Variants in HEATR5A observed in about 807,000 individuals in gnomAD.
HEATR5A encodes the protein HEAT repeat containing 5A, also known as HEAT repeat-containing protein 5A.
A neutral mutation model predicts 218.8 loss-of-function variants in HEATR5A; 178 were observed. The observed-to-expected ratio is 0.81, with a 90% CI of 0.72 to 0.92. The LOEUF is 0.92. Among genes scored for constraint, HEATR5A ranks in the 40% least tolerant of loss-of-function variants. The pLI is 0.00. For synonymous variants in HEATR5A, 864 were observed against 871.6 expected, an observed-to-expected ratio of 0.99 and a Z score of 0.15; for missense variants, 2,420 against 2,418.9, an observed-to-expected ratio of 1.00 and a Z score of -0.01.
At chr14:31,344,660 G>C (rs1900965542) in intron 20 of HEATR5A, among the ~76,000 whole-genome samples, 1 of 151,124 alleles carries the variant, frequency 6.6e-6, no homozygotes, top group Admixed American at 6.6e-5. Flanking sequence ...ACTATCAGTA[G>C]GTTATACCAA....
At position 31,293,912 on chromosome 14, in the gene HEATR5A, TAAC is replaced by T; in HGVS notation, c.5809_5811del (p.Val1937del). On this transcript the variant is annotated inframe_deletion, in exon 35 of 36. Coordinates refer to ENST00000543095, the MANE Select transcript of HEATR5A (RefSeq NM_015473.4). ...TTACGATGGTGTTCTTCAGCAACAG[TAAC>T]CAGTGTTTCTAAGACCTTTATGCCT... The T allele has an allele frequency of 6.2e-7, 1 of 1,603,594 alleles. No individual in the cohort carries two copies. Among genetic ancestry groups the T allele is most frequent in the South Asian group, 1.1e-5 (1 of 89,142 alleles).
At chr14:31,361,975 TTTATTTAG>T (rs1453123453) in intron 14 of HEATR5A, among the ~76,000 whole-genome samples, 3 of 151,748 alleles carry the variant, frequency 2.0e-5, no homozygotes, top group Admixed American at 6.6e-5. Flanking sequence ...TATTTATTTA[TTTATTTAG>T]AGATGGAATC....
chr14:31,382,635 C>T (rs1335029777), intron 10 of HEATR5A, among the ~76,000 whole-genome samples: 1 of 151,776 alleles, frequency 6.6e-6, no homozygotes, highest in Non-Finnish European at 1.5e-5. Context: ...ATTCTTTGTA[C>T]ATTAAAACTG....
chr14:31,391,948 C>A (rs1210088577), intron 6 of HEATR5A, among the ~76,000 whole-genome samples: 1 of 152,150 alleles, frequency 6.6e-6, no homozygotes, highest in African/African-American at 2.4e-5. Flanking sequence ...ATGACAAAAT[C>A]ACTTCATGAT....
chr14:31,366,938 A>G (rs1170765156), intron 13 of HEATR5A, among the ~76,000 whole-genome samples: 1 of 152,226 alleles, frequency 6.6e-6, no homozygotes, highest in Non-Finnish European at 1.5e-5. Flanking sequence ...GTATCTACTA[A>G]AAAAGCTGGA....
At chr14:31,330,839 T>C (rs1900441915) in intron 22 of HEATR5A, among the ~76,000 whole-genome samples, 1 of 151,942 alleles carries the variant, frequency 6.6e-6, no homozygotes, top group Admixed American at 6.6e-5. Flanking sequence ...TGAAAATTTC[T>C]GCAGTGCGCT....
chr14:31,293,437 TGGA>T lies in HEATR5A; in HGVS notation c.6006_6008del (p.Pro2003del). ...CAGCCTCAAGGCGGGCTTTTAGGGC[TGGA>T]GAAGAAGCCACTAAACTTTTAAAAA... On this transcript the variant is annotated inframe_deletion, in exon 36 of 36. Transcript: ENST00000543095. 1 of 1,613,994 alleles carries T rather than the reference TGGA, an allele frequency of 6.2e-7. No individual in the cohort carries two copies. The highest frequency in any genetic ancestry group is 8.5e-7 in the Non-Finnish European group (1 of 1,179,868).
Position 31,313,159 on chromosome 14 carries a change from T to C in HEATR5A, c.4250A>G (p.Asn1417Ser), listed in dbSNP as rs746059623. The C allele has an allele frequency of 6.2e-7, 1 of 1,613,616 alleles. No individual in the cohort carries two copies. The highest frequency in any genetic ancestry group is 1.1e-5 in the South Asian group (1 of 91,072). Residue 1417 changes from asparagine to serine, a missense_variant, in exon 28 of 36, where the codon AAC (asparagine) becomes AGC (serine). Transcript: ENST00000543095. ...VYIIAVQRHKNHRQPLKTTTC... is the reference protein window; with the variant it reads ...VYIIAVQRHKSHRQPLKTTTC... ...GGTAGTCTTCAAAGGTTGTCTGTGG[T>C]TTTTATGTCTTTGCACAGCAATTAT... is the stretch of plus-strand genomic sequence containing the variant.
rs371848651 is a variant in HEATR5A at position 31,336,213 on chromosome 14, C to CAT, written c.3367+1261_3367+1262dup. Among the ~76,000 whole-genome samples, 306 of 90,594 alleles carry CAT rather than the reference C, an allele frequency of 3.4e-3. 2 individuals are homozygous for CAT. Among genetic ancestry groups the CAT allele is most frequent in the East Asian group, 5.6e-3 (15 of 2,680 alleles). 59.4% of individuals were successfully genotyped at this position (90,594 alleles called of 152,430 possible). A position where few individuals can be genotyped will look rare whatever the true frequency, so the allele number is the denominator to read the frequency against. ...AGGGGGTTATTTTTATATATACATA[C>CAT]ATACATATATATATATATATATATA... On this transcript the variant is annotated intron_variant, in intron 22 of 35. Transcript: ENST00000543095.
At chr14:31,314,026 CA>C (rs1473047325) in intron 27 of HEATR5A, among the ~76,000 whole-genome samples, 1 of 152,216 alleles carries the variant, frequency 6.6e-6, no homozygotes, top group Non-Finnish European at 1.5e-5. Flanking sequence ...CAGCTCACTG[CA>C]ACCTCCGCCT....
chr14:31,300,287 CTT>C, intron 33 of HEATR5A, among the ~76,000 whole-genome samples: 1 of 151,330 alleles, frequency 6.6e-6, no homozygotes, highest in Admixed American at 6.6e-5. Context: ...ATTTCTTTTT[CTT>C]TTTTTCTTTT....
intron 11 of HEATR5A, among the ~76,000 whole-genome samples, chr14:31,375,787 T>TA (rs1902205192): frequency 1.3e-5 from 2 of 152,044 alleles, no homozygotes; most frequent in African/African-American, 4.8e-5. Flanking sequence ...TACTTTTTGT[T>TA]AAAAAAAGGT....
intron 15 of HEATR5A, 22 bp from the exon 16 acceptor site, chr14:31,358,834 T>C: frequency 6.2e-7 from 1 of 1,611,416 alleles, no homozygotes; most frequent in Non-Finnish European, 8.5e-7. Flanking sequence ...AAAAAGTATA[T>C]AAGGTTTTAA....
At chr14:31,384,639 GCCTCAGCCT>G (rs1042925326) in intron 9 of HEATR5A, among the ~76,000 whole-genome samples, 1 of 150,458 alleles carries the variant, frequency 6.6e-6, no homozygotes, top group African/African-American at 2.4e-5. Flanking sequence ...TGATCCTCTC[GCCTCAGCCT>G]CCTGAGCAGC....
chr14:31,390,098 G>A (rs1464207345), intron 6 of HEATR5A, among the ~76,000 whole-genome samples: 1 of 152,138 alleles, frequency 6.6e-6, no homozygotes, highest in Admixed American at 6.6e-5. Flanking sequence ...GAGAAAAAGT[G>A]TTCTAGGCAG....
intron 13 of HEATR5A, among the ~76,000 whole-genome samples, chr14:31,371,105 C>A (rs12586712): frequency 0.84 from 128,366 of 152,172 alleles, 55,063 homozygotes; most frequent in Non-Finnish European, 0.93. Context: ...TTCATTCATT[C>A]ATTCATTCAT....
chr14:31,326,118 C>A, intron 23 of HEATR5A, 45 bp downstream of exon 23: 1 of 1,507,720 alleles, frequency 6.6e-7, no homozygotes, highest in Non-Finnish European at 9.2e-7. Flanking sequence ...TGTAAAGTTT[C>A]AAATTTCAAT....
intron 22 of HEATR5A, among the ~76,000 whole-genome samples, chr14:31,336,764 C>T (rs373719249): frequency 3.5e-4 from 53 of 152,062 alleles, no homozygotes; most frequent in Non-Finnish European, 5.7e-4. Flanking sequence ...CATTTGACTG[C>T]GGTGAAAAAA....
chr14:31,361,942 AT>A (rs1566768220), intron 14 of HEATR5A, among the ~76,000 whole-genome samples: 5 of 105,472 alleles, frequency 4.7e-5, no homozygotes, highest in Non-Finnish European at 1.2e-4. Flanking sequence ...AAAATCAGAA[AT>A]TTATTTATTT....
Sources: gnomAD v4.1 joint callset for allele counts (sites outside exome capture counted in the v4.1 genomes callset) on GRCh38, gnomAD v4.1.1 for gene constraint, MANE v1.5 for transcripts, NCBI Gene and HGNC (gene_info 2026-07-23, HGNC 2026-07-21) for gene names.